Variants in PDE2A observed in about 807,000 individuals in gnomAD.
PDE2A encodes the protein phosphodiesterase 2A, also known as cGMP-dependent 3',5'-cyclic phosphodiesterase.
PDE2A carries 53 observed loss-of-function variants against 133.6 expected under a neutral mutation model. The observed-to-expected ratio is 0.40, with a 90% CI of 0.32 to 0.50. The LOEUF is 0.50. PDE2A is among the 20% of genes least tolerant of loss of function. The pLI, the probability that PDE2A is intolerant of heterozygous loss-of-function variation, is 0.73. For missense variants in PDE2A, 796 were observed against 1,232.4 expected, an observed-to-expected ratio of 0.65 and a Z score of 5.30; for synonymous variants, 491 against 490.2, an observed-to-expected ratio of 1.00 and a Z score of -0.02.
chr11:72,657,942 T>G (rs3781916), intron 1 of PDE2A: 209,466 of 455,918 alleles, frequency 0.46, 51,492 homozygotes, highest in Middle Eastern at 0.62. Context: ...GGGCAGGGCA[T>G]GTCCCTCCTG....
intron 17 of PDE2A, 21 bp downstream of exon 17, chr11:72,584,851 A>G (rs2135286830): frequency 6.2e-7 from 1 of 1,611,098 alleles, no homozygotes; most frequent in Non-Finnish European, 8.5e-7. Context: ...AGGGCCACAT[A>G]CTCCCTCCAC....
At chr11:72,585,000 C>T (rs1015161464) in intron 16 of PDE2A, 56 bp from the exon 17 acceptor site, 38 of 1,541,766 alleles carry the variant, frequency 2.5e-5, no homozygotes, top group Non-Finnish European at 3.2e-5. Context: ...TGATCGCCCT[C>T]ACGTCCCATA....
At chr11:72,582,372 G>C in intron 21 of PDE2A, 72 bp downstream of exon 21, 1 of 1,448,234 alleles carries the variant, frequency 6.9e-7, no homozygotes, top group East Asian at 2.3e-5. Context: ...GGAAGTTCTT[G>C]ATGCGCATTT....
chr11:72,665,265 A>C (rs1855200695), intron 1 of PDE2A, among the ~76,000 whole-genome samples: 1 of 151,970 alleles, frequency 6.6e-6, no homozygotes, highest in Non-Finnish European at 1.5e-5. Flanking sequence ...CCCCACAACC[A>C]TGGGCCTCCC....
rs1176921604 is a variant in PDE2A at position 72,588,841 on chromosome 11, C to T, written c.1013G>A (p.Arg338Gln). The T allele has an allele frequency of 1.9e-6, 3 of 1,611,608 alleles. No homozygotes were observed. The highest frequency in any genetic ancestry group is 2.2e-5 in the South Asian group (2 of 90,992). ...CAAGGCCACCACCTGGTCAGTGGCC[C>T]GGCTGATGACAGGGACACAGAGCAT... Reference protein sequence around the residue: ...QAMLCVPVISRATDQVVALAC... With the variant: ...QAMLCVPVISQATDQVVALAC... The change falls in exon 13 of 31, where the codon CGG (arginine) becomes CAG (glutamine). Residue 338 changes from arginine to glutamine, a missense_variant. Physicochemically the swap from Arg to Gln is conservative, Grantham distance 43 (BLOSUM62 1). Coordinates refer to ENST00000334456, the MANE Select transcript of PDE2A (RefSeq NM_002599.5).
rs575185607 is a variant in PDE2A, at chr11:72,584,003, G to A, written c.1650+198C>T. ...GGCTGAGTGGACAGGGCAGGAAATC[G>A]TATGCCCAATTTTTAGATGGGAAAC... On this transcript the variant is annotated intron_variant, in intron 19 of 30. Coordinates refer to ENST00000334456, the MANE Select transcript of PDE2A (RefSeq NM_002599.5). Among the ~76,000 whole-genome samples the A allele has an allele frequency of 2.1e-4, 32 of 152,322 alleles. No homozygotes were observed. The South Asian group carries it at 6.4e-3, about 31-fold the overall frequency.
At chr11:72,598,495 G>T (rs568173514) in intron 4 of PDE2A, 2 of 1,288,374 alleles carry the variant, frequency 1.6e-6, no homozygotes, top group East Asian at 1.1e-4. Flanking sequence ...GGCTCATCCC[G>T]CTTAATTAAG....
chr11:72,613,479 G>C (rs745975884), intron 2 of PDE2A, among the ~76,000 whole-genome samples: 1 of 151,468 alleles, frequency 6.6e-6, no homozygotes, highest in African/African-American at 2.4e-5. Flanking sequence ...CCTTCCTTTC[G>C]GGTGGACCTC....
intron 4 of PDE2A, among the ~76,000 whole-genome samples, chr11:72,601,086 G>A (rs1030094539): frequency 2.1e-5 from 3 of 140,662 alleles, no homozygotes; most frequent in Admixed American, 1.4e-4. Context: ...AAGCAGCCAA[G>A]CCTGTTGCTG....
At chr11:72,665,640 C>G (rs1293749071) in intron 1 of PDE2A, among the ~76,000 whole-genome samples, 3 of 152,136 alleles carry the variant, frequency 2.0e-5, no homozygotes, top group Admixed American at 6.5e-5. Flanking sequence ...AATCTGCAAC[C>G]AACTTCCTCA....
intron 6 of PDE2A, among the ~76,000 whole-genome samples, chr11:72,594,150 AG>A (rs1394195317): frequency 6.6e-6 from 1 of 152,178 alleles, no homozygotes; most frequent in Non-Finnish European, 1.5e-5. Flanking sequence ...CCTGACATAC[AG>A]TGGGTACTCA....
intron 26 of PDE2A, 68 bp downstream of exon 26, chr11:72,579,466 C>G: frequency 6.4e-7 from 1 of 1,561,120 alleles, no homozygotes; most frequent in Non-Finnish European, 8.8e-7. Context: ...CACTCCTTGG[C>G]TCCTTATCCC....
chr11:72,641,454 G>A lies in PDE2A; in HGVS notation c.144+800C>T, dbSNP rs113296034. On this transcript the variant is annotated intron_variant, in intron 2 of 30. Coordinates refer to ENST00000334456, the MANE Select transcript of PDE2A (RefSeq NM_002599.5). ...AGAAAGAGACCCCAAAACGAAGATGGAGACCTAGAGAAACAGGAGAGAGAC... is the reference window on the plus strand; with the variant it reads ...AGAAAGAGACCCCAAAACGAAGATGAAGACCTAGAGAAACAGGAGAGAGAC... 1.5e-3 allele frequency among the ~76,000 whole-genome samples: 223 copies of A among 152,342 alleles called. 1 individual carries two copies. Among genetic ancestry groups the A allele is most frequent in the Middle Eastern group, 6.8e-3 (2 of 294 alleles).
chr11:72,578,981 G>A lies in PDE2A; in HGVS notation c.2385C>T (p.His795=). 1 of 1,613,794 alleles carries A rather than the reference G, an allele frequency of 6.2e-7. No homozygotes were observed. Residue 795 remains histidine (H), a synonymous_variant, in exon 28 of 31, where the codon CAC becomes CAT. Transcript: ENST00000334456. The surrounding 1 kb of genome is among the most constrained non-coding windows in gnomAD (Gnocchi z 4.2). ...EVGYDRNNKQ[H]HRLLLCLLMT... ...TGAGGAGGCAGAGGAGAAGTCTGTGGTGCTGCTTGTTGTTTCGGTCGTAGC... is the reference window on the plus strand; with the variant it reads ...TGAGGAGGCAGAGGAGAAGTCTGTGATGCTGCTTGTTGTTTCGGTCGTAGC...
chr11:72,603,511 T>C (rs945956372), intron 4 of PDE2A, among the ~76,000 whole-genome samples: 2 of 152,148 alleles, frequency 1.3e-5, no homozygotes, highest in African/African-American at 4.8e-5. Flanking sequence ...TGAGCCTGTT[T>C]TCCTGCATCC....
chr11:72,599,122 G>A (rs1002917565), intron 4 of PDE2A: 8 of 723,170 alleles, frequency 1.1e-5, no homozygotes, highest in Non-Finnish European at 1.4e-5. Context: ...TGGTCCTTGC[G>A]TTGCTGGTCA....
At chr11:72,612,851 T>G (rs556395111) in intron 2 of PDE2A, among the ~76,000 whole-genome samples, 1 of 152,186 alleles carries the variant, frequency 6.6e-6, no homozygotes, top group African/African-American at 2.4e-5. Context: ...TTAGCTTTCA[T>G]TCACCCCAGG....
intron 2 of PDE2A, among the ~76,000 whole-genome samples, chr11:72,612,274 TCCACACAC>T (rs71062780): frequency 0.025 from 2,798 of 112,876 alleles, 48 homozygotes; most frequent in Middle Eastern, 0.062. Context: ...GCACATCACA[TCCACACAC>T]ACACACACAC....
chr11:72,662,021 G>A (rs1289563138), intron 1 of PDE2A, among the ~76,000 whole-genome samples: 1 of 152,044 alleles, frequency 6.6e-6, no homozygotes, highest in Non-Finnish European at 1.5e-5. Context: ...GTGTTATTGG[G>A]TTTTTCCTCT....
Sources: allele counts gnomAD v4.1 joint callset (sites outside exome capture counted in the v4.1 genomes callset), GRCh38; gene constraint gnomAD v4.1.1; non-coding constraint Gnocchi (gnomAD v3.1); transcripts MANE v1.5; gene names NCBI Gene and HGNC (gene_info 2026-07-23, HGNC 2026-07-21).